The following KCNK13 variants were observed in gnomAD, a reference collection of about 807,000 sequenced individuals.
KCNK13 encodes the protein potassium channel subfamily K member 13.
Under a neutral mutation model 23.4 loss-of-function variants are expected in KCNK13, and 12 were observed. The ratio of observed to expected loss-of-function variants is 0.51; its 90% CI spans 0.33 to 0.83. The LOEUF (loss-of-function observed/expected upper bound fraction) is 0.83, where lower values mean the gene tolerates loss of function less well. Ranked by LOEUF, KCNK13 falls within the 40% of genes least tolerant of loss-of-function variation. KCNK13 has a pLI of 0.02. For missense variants in KCNK13, 463 were observed against 556.3 expected (o/e 0.83, Z 1.69); for synonymous variants, 231 against 229.5 (o/e 1.01, Z -0.06).
rs377463330 is a variant in KCNK13, at chr14:90,174,297, C to A, written c.335-9814C>A. Among the ~76,000 whole-genome samples the A allele has an allele frequency of 9.9e-5, 15 of 151,890 alleles. No homozygotes were observed. In the South Asian group the frequency reaches 3.1e-3, roughly 32 times the overall value. On this transcript the variant is annotated intron_variant, in intron 1 of 1. Transcript: ENST00000282146. The stretch of plus-strand genomic sequence containing the variant: ...TGCACCCCAGCCTGGGCAACAAGAG[C>A]GAGACTCTGTCTGAAAGACAATAAA...
In KCNK13 at chr14:90,096,050, G is replaced by A. The variant is rs151144833; in HGVS notation, c.334+33511G>A. Among the ~76,000 whole-genome samples the A allele has an allele frequency of 4.3e-3, 658 of 152,332 alleles. 1 individual carries two copies. Among genetic ancestry groups the A allele is most frequent in the African/African-American group, 0.015 (613 of 41,568 alleles). On this transcript the variant is annotated intron_variant, in intron 1 of 1. Transcript: ENST00000282146. ...GCATAGGATAACACCTATAGGAAGA[G>A]GTGTGGAGCTTCCAGACCCTCTCCA...
At chr14:90,179,239 T>C (rs983322198) in intron 1 of KCNK13, among the ~76,000 whole-genome samples, 2 of 152,132 alleles carry the variant, frequency 1.3e-5, no homozygotes, top group Non-Finnish European at 2.9e-5. Flanking sequence ...TGACAGAATG[T>C]TGATAATTTG....
intron 1 of KCNK13, among the ~76,000 whole-genome samples, chr14:90,119,707 C>A (rs1889715028): frequency 6.6e-6 from 1 of 152,124 alleles, no homozygotes; most frequent in South Asian, 2.1e-4. Flanking sequence ...TCAAGCAATT[C>A]TCCTGCCTCA....
chr14:90,096,538 A>G (rs1889413165), intron 1 of KCNK13, among the ~76,000 whole-genome samples: 1 of 152,250 alleles, frequency 6.6e-6, no homozygotes, highest in Non-Finnish European at 1.5e-5. Context: ...GAACAATTTT[A>G]TTAGCAGTAT....
intron 1 of KCNK13, among the ~76,000 whole-genome samples, chr14:90,166,567 G>A (rs1028179581): frequency 1.3e-5 from 2 of 152,098 alleles, no homozygotes; most frequent in South Asian, 2.1e-4. Flanking sequence ...TTAGCCAGAC[G>A]TGGTGGCAGG....
At chr14:90,094,475 C>T (rs1889384156) in intron 1 of KCNK13, among the ~76,000 whole-genome samples, 3 of 152,088 alleles carry the variant, frequency 2.0e-5, no homozygotes, top group Admixed American at 1.3e-4. Flanking sequence ...GTTTCCTCTT[C>T]CTGTGGCTAA....
In KCNK13 at chr14:90,125,629, G is replaced by A. The variant is rs919871308; in HGVS notation, c.335-58482G>A. On this transcript the variant is annotated intron_variant, in intron 1 of 1. Transcript: ENST00000282146. Reference sequence around the variant, plus strand: ...CACACACACACACACACACACACGCGCACACACACACAATGATGGAGTATG... The same window carrying A: ...CACACACACACACACACACACACGCACACACACACACAATGATGGAGTATG... 4.1e-3 allele frequency among the ~76,000 whole-genome samples: 518 copies of A among 126,970 alleles called. 5 individuals carry two copies. Among genetic ancestry groups the A allele is most frequent in the African/African-American group, 0.014 (477 of 33,784 alleles). 83.3% of individuals were successfully genotyped at this position (126,970 alleles called of 152,430 possible). A position where few individuals can be genotyped will look rare whatever the true frequency, so the allele number is the denominator to read the frequency against.
chr14:90,124,560 G>A (rs999388505), intron 1 of KCNK13, among the ~76,000 whole-genome samples: 1 of 152,246 alleles, frequency 6.6e-6, no homozygotes, highest in Non-Finnish European at 1.5e-5. Flanking sequence ...ACTGGAGCTG[G>A]CAACAGCCTT....
chr14:90,160,806 G>C (rs1382370303), intron 1 of KCNK13, among the ~76,000 whole-genome samples: 1 of 150,174 alleles, frequency 6.7e-6, no homozygotes, highest in Non-Finnish European at 1.5e-5. Flanking sequence ...TCGCGCCATT[G>C]GACACCAGCC....
chr14:90,153,067 C>G (rs1041158244), intron 1 of KCNK13, among the ~76,000 whole-genome samples: 5 of 152,140 alleles, frequency 3.3e-5, no homozygotes, highest in Admixed American at 2.6e-4. Flanking sequence ...GTTCCCTGAG[C>G]CTGCATTGTT....
intron 1 of KCNK13, among the ~76,000 whole-genome samples, chr14:90,072,139 T>C (rs1024595191): frequency 1.3e-5 from 2 of 152,150 alleles, no homozygotes; most frequent in Non-Finnish European, 2.9e-5. Context: ...TTGGTTCAGC[T>C]GATGTGAATT....
In KCNK13 at chr14:90,115,289, G is replaced by A. The variant is rs79233800; in HGVS notation, c.334+52750G>A. ...ATTACTGGGGATCTGAGTGGTAAAC[G>A]TTCCTCACATGATTCTGGAAGAGCC... On this transcript the variant is annotated intron_variant, in intron 1 of 1. Transcript: ENST00000282146. 8.6e-3 allele frequency among the ~76,000 whole-genome samples: 1,306 copies of A among 152,244 alleles called. 18 individuals are homozygous for A. The highest frequency in any genetic ancestry group is 0.031 in the African/African-American group (1,273 of 41,538).
At chr14:90,143,358 A>G (rs1373952467) in intron 1 of KCNK13, among the ~76,000 whole-genome samples, 1 of 151,650 alleles carries the variant, frequency 6.6e-6, no homozygotes, top group African/African-American at 2.4e-5. Flanking sequence ...GCAGCTTTTC[A>G]TACATCTGCT....
chr14:90,089,660 G>A (rs916091332), intron 1 of KCNK13, among the ~76,000 whole-genome samples: 5 of 152,320 alleles, frequency 3.3e-5, no homozygotes, highest in East Asian at 1.9e-4. Context: ...GCATGTCAGA[G>A]GTTTTCACAG....
chr14:90,178,950 T>C (rs1261473768), intron 1 of KCNK13, among the ~76,000 whole-genome samples: 1 of 152,194 alleles, frequency 6.6e-6, no homozygotes, highest in African/African-American at 2.4e-5. Context: ...CTCTGCTAAA[T>C]GTGGGTGCAG....
intron 1 of KCNK13, among the ~76,000 whole-genome samples, chr14:90,085,814 A>ATATACTTTATATTATATAT (rs1889268919): frequency 1.1e-4 from 2 of 18,032 alleles, no homozygotes; most frequent in African/African-American, 1.2e-3. Context: ...ATATTATATT[A>ATATACTTTATATTATATAT]TATATTATAT....
At chr14:90,074,115 A>G (rs1030078789) in intron 1 of KCNK13, among the ~76,000 whole-genome samples, 1 of 151,944 alleles carries the variant, frequency 6.6e-6, no homozygotes, top group Admixed American at 6.6e-5. Context: ...GACTACAGGC[A>G]TGCACCACCA....
At chr14:90,118,234 C>T (rs1889699639) in intron 1 of KCNK13, among the ~76,000 whole-genome samples, 1 of 152,192 alleles carries the variant, frequency 6.6e-6, no homozygotes, top group Non-Finnish European at 1.5e-5. Context: ...TAAGCAAGCT[C>T]TTCCCTGGGA....
intron 1 of KCNK13, among the ~76,000 whole-genome samples, chr14:90,140,019 G>T (rs2140427440): frequency 6.6e-6 from 1 of 152,288 alleles, no homozygotes; most frequent in East Asian, 1.9e-4. Flanking sequence ...GACCAGCAGT[G>T]AGGTCTTCGA....
Sources: allele counts gnomAD v4.1 joint callset (sites outside exome capture counted in the v4.1 genomes callset), GRCh38; gene constraint gnomAD v4.1.1; transcripts MANE v1.5; gene names NCBI Gene and HGNC (gene_info 2026-07-23, HGNC 2026-07-21).